Variants in DNAH17 observed in about 807,000 individuals in gnomAD.
The protein encoded by DNAH17 is dynein axonemal heavy chain 17.
DNAH17 carries 376 observed loss-of-function variants against 485.6 expected under a neutral mutation model. The ratio of observed to expected loss-of-function variants is 0.77; its 90% CI spans 0.71 to 0.84. The LOEUF (loss-of-function observed/expected upper bound fraction) is 0.84. Among genes scored for constraint, DNAH17 ranks in the 40% least tolerant of loss-of-function variants. DNAH17 has a pLI of 0.00. For synonymous variants in DNAH17, 3,031 were observed against 2,405.9 expected (o/e 1.26, Z -7.60); for missense variants, 6,370 against 5,839.3 (o/e 1.09, Z -2.96).
At chr17:78,428,382 G>A in intron 77 of DNAH17, 143 bp downstream of exon 77, 1 of 1,040,616 alleles carries the variant, frequency 9.6e-7, no homozygotes. Context: ...ATACCCCAGT[G>A]TTTCTGATAC....
At chr17:78,493,884 C>A in intron 41 of DNAH17, 152 bp downstream of exon 41, 1 of 1,135,926 alleles carries the variant, frequency 8.8e-7, no homozygotes, top group Non-Finnish European at 1.2e-6. Flanking sequence ...CCCCCAGCTT[C>A]CTCCCTGGCC....
At chr17:78,539,099 C>G (rs1034719381) in intron 18 of DNAH17, among the ~76,000 whole-genome samples, 1 of 151,956 alleles carries the variant, frequency 6.6e-6, no homozygotes, top group East Asian at 1.9e-4. Context: ...GGCGTGGTGG[C>G]GGGCACCTAT....
intron 18 of DNAH17, among the ~76,000 whole-genome samples, chr17:78,538,859 C>A (rs925561668): frequency 6.6e-6 from 1 of 152,230 alleles, no homozygotes; most frequent in Non-Finnish European, 1.5e-5. Flanking sequence ...TGCCACGTTC[C>A]TTTGTTGTTG....
Position 78,458,453 on chromosome 17 carries a change from A to G in DNAH17, c.9977+112T>C, listed in dbSNP as rs548317874. On this transcript the variant is annotated intron_variant, in intron 62 of 80. Coordinates refer to ENST00000389840, the MANE Select transcript of DNAH17 (RefSeq NM_173628.4). The stretch of plus-strand genomic sequence containing the variant: ...TTGAGCTCAAGAAGTGAAAGTGGCA[A>G]CCTGGCTGCTTCCACCTGGGCTCCC... 3.4e-6 allele frequency: 3 copies of G among 870,350 alleles called. No individual in the cohort carries two copies. The South Asian group carries it at 4.5e-5, about 13-fold the overall frequency. 53.9% of individuals were successfully genotyped at this position (870,350 alleles called of 1,614,324 possible).
At chr17:78,428,400 C>T (rs747122106) in intron 77 of DNAH17, 125 bp downstream of exon 77, 39 of 1,223,344 alleles carry the variant, frequency 3.2e-5, no homozygotes, top group Admixed American at 6.0e-5. Context: ...TACCCAAGCC[C>T]AAGGCTGGGG....
intron 17 of DNAH17, among the ~76,000 whole-genome samples, chr17:78,542,363 G>T (rs920674781): frequency 6.6e-6 from 1 of 151,996 alleles, no homozygotes; most frequent in African/African-American, 2.4e-5. Flanking sequence ...GGCCAGGCTG[G>T]TCTCAAACTC....
chr17:78,535,403 CAGG>C (rs2091348421), intron 19 of DNAH17, among the ~76,000 whole-genome samples: 1 of 152,236 alleles, frequency 6.6e-6, no homozygotes, highest in African/African-American at 2.4e-5. Flanking sequence ...CCACTCCTCT[CAGG>C]AGCTGTCCTT....
rs142471902 is a variant in DNAH17 at position 78,572,790 on chromosome 17, A to C, written c.450T>G (p.Phe150Leu). 6,802 of 1,613,874 alleles carry C rather than the reference A, an allele frequency of 4.2e-3. 144 individuals carry two copies. The highest frequency in any genetic ancestry group is 0.039 in the South Asian group (3,552 of 91,038). ...KQVHRLKNEMFVMSGKIKGKT... is the reference protein window; with the variant it reads ...KQVHRLKNEMLVMSGKIKGKT... The stretch of plus-strand genomic sequence containing the variant: ...TGCCTTTGATCTTGCCACTCATCAC[A>C]AACATTTCATTCTTCAGCCTGTGGA... The change falls in exon 3 of 81, where the codon TTT becomes TTG. Residue 150 changes from phenylalanine (F) to leucine (L), a missense_variant. Physicochemically the swap from Phe to Leu is conservative, Grantham distance 22 (BLOSUM62 0). Transcript: ENST00000389840.
chr17:78,425,433 GAC>G lies in DNAH17; in HGVS notation c.13052_13053del (p.Cys4351SerfsTer42). ...TTTTTCTTGGTCACCTCGACAGACA[GAC>G]ACATCTTGTCCAGGGGCCACTCGTT... ...RKNEWPLDKM[C>X]LSVEVTKKNR... On this transcript the variant is annotated frameshift_variant, in exon 80 of 81. Transcript: ENST00000389840. LOFTEE classifies it high-confidence loss of function. 1 of 1,614,024 alleles carries G rather than the reference GAC, an allele frequency of 6.2e-7. No individual in the cohort carries two copies. Among genetic ancestry groups the G allele is most frequent in the Non-Finnish European group, 8.5e-7 (1 of 1,179,904 alleles).
At chr17:78,455,911 C>CACCTCTGT in intron 62 of DNAH17, 75 bp from the exon 63 acceptor site, 7 of 1,256,548 alleles carry the variant, frequency 5.6e-6, no homozygotes, top group Non-Finnish European at 7.5e-6. Context: ...TCCACCTCTG[C>CACCTCTGT]ACCTCTGTGA....
Position 78,423,801 on chromosome 17 carries a change from G to C in DNAH17, c.*105C>G. 6.9e-7 allele frequency: 1 copy of C among 1,451,164 alleles called. No homozygotes were observed. The highest frequency in any genetic ancestry group is 9.4e-7 in the Non-Finnish European group (1 of 1,067,440). The allele number at this position is 1,451,164 out of a possible 1,614,324, so 89.9% of individuals were successfully genotyped here. A position where few individuals can be genotyped will look rare whatever the true frequency, so the allele number is the denominator to read the frequency against. ...AAAGCACCTGATTATTTAAGAGAACGAAAAACCACCACCAGTTCCTGTAAA... is the reference window on the plus strand; with the variant it reads ...AAAGCACCTGATTATTTAAGAGAACCAAAAACCACCACCAGTTCCTGTAAA... On this transcript the variant is annotated 3_prime_UTR_variant, in exon 81 of 81. Coordinates refer to ENST00000389840, the MANE Select transcript of DNAH17 (RefSeq NM_173628.4).
At chr17:78,469,267 G>C (rs367708436) in intron 54 of DNAH17, among the ~76,000 whole-genome samples, 1 of 151,952 alleles carries the variant, frequency 6.6e-6, no homozygotes, top group African/African-American at 2.4e-5. Context: ...TCAGCCTCCC[G>C]AGTAGCTGGG....
chr17:78,539,617 A>G (rs2091467364), intron 18 of DNAH17, 120 bp downstream of exon 18: 1 of 931,430 alleles, frequency 1.1e-6, no homozygotes, highest in South Asian at 2.3e-5. Flanking sequence ...ATTGCATAAG[A>G]TATATTTTAA....
intron 75 of DNAH17, among the ~76,000 whole-genome samples, chr17:78,432,691 G>A (rs760375419): frequency 3.9e-5 from 6 of 152,214 alleles, no homozygotes; most frequent in East Asian, 1.9e-4. Context: ...CACGTGTGCC[G>A]TGCATGCCTG....
chr17:78,470,051 T>C (rs1598509243), intron 54 of DNAH17, among the ~76,000 whole-genome samples: 1 of 142,764 alleles, frequency 7.0e-6, no homozygotes, highest in Non-Finnish European at 1.5e-5. Context: ...ATGTTAAAAG[T>C]GGTGAAAATG....
rs907825751 is a variant in DNAH17, at chr17:78,572,611, C to CGGAGTGGGGTGGAGTGGGGT, written c.539+70_539+89dup. ...GCCACTCTGCAGGGAAACAACGGGT[C>CGGAGTGGGGTGGAGTGGGGT]GGAGTGGGGTGGAGTGGGGTGGGGG... is the stretch of plus-strand genomic sequence containing the variant. On this transcript the variant is annotated intron_variant, in intron 3 of 80. Coordinates refer to ENST00000389840, the MANE Select transcript of DNAH17 (RefSeq NM_173628.4). 112 of 1,120,980 alleles carry CGGAGTGGGGTGGAGTGGGGT rather than the reference C, an allele frequency of 1.0e-4. No homozygotes were observed. The Middle Eastern group carries it at 1.5e-3, about 15-fold the overall frequency. The allele number at this position is 1,120,980 out of a possible 1,614,324, so 69.4% of individuals were successfully genotyped here.
chr17:78,501,519 C>A, intron 34 of DNAH17, 175 bp from the exon 35 acceptor site: 1 of 995,120 alleles, frequency 1.0e-6, no homozygotes, highest in Admixed American at 2.9e-5. Context: ...TGGAATCTCG[C>A]TACAGAATGG....
intron 19 of DNAH17, among the ~76,000 whole-genome samples, chr17:78,536,189 C>T (rs1360136416): frequency 6.6e-6 from 1 of 152,066 alleles, no homozygotes; most frequent in Non-Finnish European, 1.5e-5. Flanking sequence ...CCTGTAATCC[C>T]AGCACTTTGG....
At chr17:78,478,743 C>T (rs990302574) in intron 51 of DNAH17, 22 of 397,374 alleles carry the variant, frequency 5.5e-5, no homozygotes, top group African/African-American at 4.4e-4. Flanking sequence ...ACCATCATCA[C>T]CATCACCACC....
Sources: gnomAD v4.1 joint callset for allele counts (sites outside exome capture counted in the v4.1 genomes callset) on GRCh38, gnomAD v4.1.1 for gene constraint, MANE v1.5 for transcripts, NCBI Gene and HGNC (gene_info 2026-07-23, HGNC 2026-07-21) for gene names.